Variants in ADAM7 observed in about 807,000 individuals in gnomAD.
ADAM7 encodes the protein disintegrin and metalloproteinase domain-containing protein 7.
Under a neutral mutation model 102.9 loss-of-function variants are expected in ADAM7, and 97 were observed. That is an observed-to-expected ratio of 0.94 (90% CI 0.80 to 1.12). The LOEUF (loss-of-function observed/expected upper bound fraction) is 1.12. Among genes scored for constraint, ADAM7 ranks in the 50% most tolerant of loss-of-function variants. ADAM7 has a pLI of 0.00. For synonymous variants in ADAM7, 334 were observed against 304.4 expected (o/e 1.10, Z -1.01); for missense variants, 991 against 908.7 (o/e 1.09, Z -1.16).
At chr8:24,476,034 A>C (rs1819758080) in intron 7 of ADAM7, 1 of 447,988 alleles carries the variant, frequency 2.2e-6, no homozygotes, top group African/African-American at 2.0e-5. Context: ...AGGACACAGA[A>C]GGACTAATAA....
chr8:24,497,122 G>A (rs186528726), intron 16 of ADAM7, among the ~76,000 whole-genome samples: 1 of 152,240 alleles, frequency 6.6e-6, no homozygotes, highest in Admixed American at 6.5e-5. Context: ...TTATTATAAG[G>A]GGGGATTTTC....
Position 24,466,978 on chromosome 8 carries a change from C to A in ADAM7, c.569C>A (p.Ser190Tyr). 1 of 1,613,096 alleles carries A rather than the reference C, an allele frequency of 6.2e-7. No homozygotes were observed. Among genetic ancestry groups the A allele is most frequent in the Non-Finnish European group, 8.5e-7 (1 of 1,179,340 alleles). ...VPGDNESEED[S>Y]KIKGIHDEKY... ...GGGGATAATGAATCTGAAGAAGACTCCAAAATAAAAGTGAGTACTTTATTA... is the reference window on the plus strand; with the variant it reads ...GGGGATAATGAATCTGAAGAAGACTACAAAATAAAAGTGAGTACTTTATTA... The change falls in exon 6 of 22, where the codon TCC (serine) becomes TAC (tyrosine). Residue 190 changes from serine to tyrosine, a missense_variant. Transcript: ENST00000175238.
intron 8 of ADAM7, among the ~76,000 whole-genome samples, chr8:24,479,777 C>A (rs1819887651): frequency 6.6e-6 from 1 of 152,202 alleles, no homozygotes; most frequent in Admixed American, 6.5e-5. Context: ...CTTTCTTTCT[C>A]ATTATCTGCC....
intron 14 of ADAM7, 67 bp from the exon 15 acceptor site, chr8:24,492,428 T>C: frequency 8.9e-7 from 1 of 1,129,680 alleles, no homozygotes; most frequent in Non-Finnish European, 1.3e-6. Context: ...ATTAGAAAAA[T>C]AAGGTCTTTT....
At chr8:24,482,118 A>G in intron 8 of ADAM7, 24 bp from the exon 9 acceptor site, 1 of 1,539,414 alleles carries the variant, frequency 6.5e-7, no homozygotes, top group Non-Finnish European at 8.7e-7. Context: ...TGACTTTGTG[A>G]AAAATGATTT....
chr8:24,462,162 G>T (rs149144769), intron 3 of ADAM7, among the ~76,000 whole-genome samples: 53 of 152,240 alleles, frequency 3.5e-4, no homozygotes, highest in African/African-American at 1.3e-3. Flanking sequence ...GGACTTAAAC[G>T]GCAAATTCTG....
Position 24,467,079 on chromosome 8 carries a change from A to T in ADAM7, c.579+91A>T, listed in dbSNP as rs757940668. On this transcript the variant is annotated intron_variant, in intron 6 of 21. Coordinates refer to ENST00000175238, the MANE Select transcript of ADAM7 (RefSeq NM_003817.4). ...GATAAAGTATGAGTCCAGTTACTGA[A>T]ATATATGTGCTACTTTCAGTCTGGC... The T allele has an allele frequency of 1.4e-5, 17 of 1,239,126 alleles. No homozygotes were observed. In the African/African-American group the frequency reaches 1.8e-4, roughly 13 times the overall value. The allele number at this position is 1,239,126 out of a possible 1,614,324, so 76.8% of individuals were successfully genotyped here.
At chr8:24,499,118 G>T (rs1380011019) in intron 16 of ADAM7, 118 bp from the exon 17 acceptor site, 3 of 702,002 alleles carry the variant, frequency 4.3e-6, no homozygotes, top group Non-Finnish European at 2.2e-6. Flanking sequence ...CATGTAAATT[G>T]AAATTTTTCA....
At chr8:24,499,463 T>C (rs1398134353) in intron 17 of ADAM7, 147 bp downstream of exon 17, 7 of 577,716 alleles carry the variant, frequency 1.2e-5, no homozygotes. Flanking sequence ...TTTTTTCATG[T>C]GTTATCAACA....
At chr8:24,464,586 T>C (rs1413494137) in intron 4 of ADAM7, among the ~76,000 whole-genome samples, 2 of 152,240 alleles carry the variant, frequency 1.3e-5, no homozygotes, top group African/African-American at 4.8e-5. Context: ...TTCCTCCATT[T>C]AAAGCAATGG....
chr8:24,482,058 T>C, intron 8 of ADAM7, 84 bp from the exon 9 acceptor site: 6 of 1,006,786 alleles, frequency 6.0e-6, no homozygotes, highest in Non-Finnish European at 8.5e-6. Flanking sequence ...TATTGTTTTT[T>C]GGGGAAATGT....
intron 16 of ADAM7, among the ~76,000 whole-genome samples, chr8:24,494,094 T>C (rs1820474007): frequency 6.6e-6 from 1 of 152,202 alleles, no homozygotes. Flanking sequence ...AGGTTCTCTA[T>C]GTGATATGTC....
At chr8:24,473,825 T>A (rs1819685099) in intron 7 of ADAM7, among the ~76,000 whole-genome samples, 1 of 152,300 alleles carries the variant, frequency 6.6e-6, no homozygotes, top group South Asian at 2.1e-4. Flanking sequence ...TGAATATTGC[T>A]TTGCTTTGAC....
chr8:24,476,337 T>C, intron 7 of ADAM7, 96 bp from the exon 8 acceptor site: 1 of 900,350 alleles, frequency 1.1e-6, no homozygotes, highest in South Asian at 2.1e-5. Flanking sequence ...GGCCAATGAT[T>C]TTTTTCTTTG....
At chr8:24,443,209 T>C (rs566861636) in intron 2 of ADAM7, among the ~76,000 whole-genome samples, 7 of 152,268 alleles carry the variant, frequency 4.6e-5, no homozygotes, top group East Asian at 3.9e-4. Context: ...TAGGTTTTAA[T>C]TGGGCTCATA....
At chr8:24,490,268 T>G (rs1820296265) in intron 12 of ADAM7, 1 of 152,690 alleles carries the variant, frequency 6.5e-6, no homozygotes. Flanking sequence ...TTCTTTGGAA[T>G]GGTTCCATAG....
At chr8:24,471,174 A>C (rs1171064504) in intron 7 of ADAM7, among the ~76,000 whole-genome samples, 4 of 152,148 alleles carry the variant, frequency 2.6e-5, no homozygotes, top group Non-Finnish European at 5.9e-5. Context: ...ACAGCTATAG[A>C]ATGTGTTTGA....
At position 24,463,867 on chromosome 8, in the gene ADAM7, T is replaced by A. The variant is rs150324699; in HGVS notation, c.234-15T>A. On this transcript the variant is annotated splice_polypyrimidine_tract_variant and intron_variant, in intron 3 of 21. Transcript: ENST00000175238. Reference sequence around the variant, plus strand: ...GAACGAACAAATCTCACCACCTGTCTGCCCTCTTTTTCAGGGAGTTCCTAG... The same window carrying A: ...GAACGAACAAATCTCACCACCTGTCAGCCCTCTTTTTCAGGGAGTTCCTAG... 6.8e-6 allele frequency: 11 copies of A among 1,606,624 alleles called. No individual in the cohort carries two copies. In the African/African-American group the frequency reaches 1.5e-4, roughly 21 times the overall value.
At chr8:24,461,129 A>C (rs1210425068) in intron 3 of ADAM7, among the ~76,000 whole-genome samples, 1 of 151,960 alleles carries the variant, frequency 6.6e-6, no homozygotes, top group Non-Finnish European at 1.5e-5. Context: ...AGTAGCTGGG[A>C]CTACAGGCAC....
Sources: allele counts gnomAD v4.1 joint callset (sites outside exome capture counted in the v4.1 genomes callset), GRCh38; gene constraint gnomAD v4.1.1; transcripts MANE v1.5; gene names NCBI Gene and HGNC (gene_info 2026-07-23, HGNC 2026-07-21).